Variants in NEDD9 observed in about 807,000 individuals in gnomAD.
NEDD9 encodes neural precursor cell expressed, developmentally down-regulated 9.
In NEDD9, 26 loss-of-function variants were observed where a neutral mutation model predicts 76.6. The ratio of observed to expected loss-of-function variants is 0.34; its 90% CI spans 0.25 to 0.47. The LOEUF (loss-of-function observed/expected upper bound fraction) is 0.47. Among genes scored for constraint, NEDD9 ranks in the 20% least tolerant of loss-of-function variants. NEDD9 has a pLI of 1.00. For synonymous variants in NEDD9, 392 were observed against 414.2 expected (o/e 0.95, Z 0.65); for missense variants, 937 against 1,058.5 (o/e 0.89, Z 1.59).
intron 2 of NEDD9, among the ~76,000 whole-genome samples, chr6:11,202,022 G>A (rs1758469217): frequency 6.7e-6 from 1 of 149,058 alleles, no homozygotes; most frequent in Admixed American, 6.6e-5. Flanking sequence ...AGGTAACCCA[G>A]GATGTGCTCA....
At chr6:11,341,827 T>TA (rs1204719632) in intron 1 of NEDD9, among the ~76,000 whole-genome samples, 11 of 152,044 alleles carry the variant, frequency 7.2e-5, no homozygotes, top group African/African-American at 2.7e-4. Context: ...TAATCCATAG[T>TA]AAAAAATGAA....
chr6:11,286,219 G>A (rs1293880322), intron 3 of NEDD9, among the ~76,000 whole-genome samples: 1 of 152,124 alleles, frequency 6.6e-6, no homozygotes, highest in Non-Finnish European at 1.5e-5. Context: ...ACACACAGAT[G>A]ACAAATAAGC....
At chr6:11,233,091 CA>C (rs1336323759), upstream of NEDD9, among the ~76,000 whole-genome samples, 2 of 152,092 alleles carry the variant, frequency 1.3e-5, no homozygotes, top group Non-Finnish European at 2.9e-5. Flanking sequence ...ACTCCGGGAA[CA>C]AAAGGTTTTC....
At chr6:11,268,477 C>T (rs1293531070) in intron 3 of NEDD9, among the ~76,000 whole-genome samples, 1 of 151,938 alleles carries the variant, frequency 6.6e-6, no homozygotes, top group Non-Finnish European at 1.5e-5. Context: ...CCTGTAATCC[C>T]AGCACTTTGG....
chr6:11,309,922 T>C (rs1161958060), intron 2 of NEDD9, among the ~76,000 whole-genome samples: 1 of 152,168 alleles, frequency 6.6e-6, no homozygotes, highest in Non-Finnish European at 1.5e-5. Flanking sequence ...ATTACAGCAA[T>C]AAAATCCAAG....
At chr6:11,379,372 G>A (rs1763023844) in intron 1 of NEDD9, among the ~76,000 whole-genome samples, 2 of 152,140 alleles carry the variant, frequency 1.3e-5, no homozygotes, top group African/African-American at 4.8e-5. Flanking sequence ...CGGGTCACCT[G>A]AGGTCAGGAG....
intron 2 of NEDD9, among the ~76,000 whole-genome samples, chr6:11,318,874 T>C (rs1048521888): frequency 6.6e-6 from 1 of 152,200 alleles, no homozygotes; most frequent in Non-Finnish European, 1.5e-5. Flanking sequence ...ATAACCCAGT[T>C]TTTAGGAAAC....
At chr6:11,338,870 A>C (rs1762217267) in intron 1 of NEDD9, among the ~76,000 whole-genome samples, 1 of 151,350 alleles carries the variant, frequency 6.6e-6, no homozygotes, top group South Asian at 2.1e-4. Context: ...TGCAGTGAGC[A>C]GAGATTGTGC....
At chr6:11,375,145 C>T (rs1177975322) in intron 1 of NEDD9, among the ~76,000 whole-genome samples, 1 of 152,176 alleles carries the variant, frequency 6.6e-6, no homozygotes, top group Non-Finnish European at 1.5e-5. Context: ...TTAGCACTGC[C>T]AACTGATAGA....
At chr6:11,326,425 G>A (rs1474802481) in intron 2 of NEDD9, among the ~76,000 whole-genome samples, 1 of 152,142 alleles carries the variant, frequency 6.6e-6, no homozygotes, top group Non-Finnish European at 1.5e-5. Context: ...GGTATGTTTG[G>A]CCCCATGTGG....
intron 2 of NEDD9, among the ~76,000 whole-genome samples, chr6:11,332,925 C>A (rs1458431818): frequency 6.6e-6 from 1 of 152,078 alleles, no homozygotes; most frequent in African/African-American, 2.4e-5. Context: ...GTTAATAGTC[C>A]CCCTTATGTC....
At chr6:11,369,660 A>T (rs1245020002) in intron 1 of NEDD9, among the ~76,000 whole-genome samples, 2 of 152,238 alleles carry the variant, frequency 1.3e-5, no homozygotes, top group African/African-American at 4.8e-5. Flanking sequence ...ATTTAAAAAT[A>T]TTTGGGAGTC....
intron 1 of NEDD9, among the ~76,000 whole-genome samples, chr6:11,359,949 C>T (rs187899155): frequency 1.3e-3 from 197 of 152,294 alleles, no homozygotes; most frequent in Non-Finnish European, 1.8e-3. Context: ...AAGGCATTAT[C>T]AAATAATCTT....
intron 1 of NEDD9, among the ~76,000 whole-genome samples, chr6:11,344,498 T>C (rs1317811460): frequency 3.3e-5 from 5 of 152,242 alleles, no homozygotes; most frequent in African/African-American, 9.6e-5. Flanking sequence ...GGGGCATGTT[T>C]ATTTCAGGTA....
At chr6:11,270,678 C>T (rs1760285452) in intron 3 of NEDD9, among the ~76,000 whole-genome samples, 2 of 152,240 alleles carry the variant, frequency 1.3e-5, no homozygotes, top group Admixed American at 6.5e-5. Context: ...TGCTCTAATG[C>T]TCTCATCTGG....
chr6:11,186,089 A>G (rs1021491051), intron 6 of NEDD9, among the ~76,000 whole-genome samples: 2 of 152,286 alleles, frequency 1.3e-5, no homozygotes, highest in East Asian at 1.9e-4. Flanking sequence ...CTCCTTGTCA[A>G]GTAAGTCACT....
At chr6:11,344,674 G>A (rs143570473) in intron 1 of NEDD9, among the ~76,000 whole-genome samples, 1 of 152,204 alleles carries the variant, frequency 6.6e-6, no homozygotes, top group Admixed American at 6.5e-5. Context: ...TCTGCTTGGT[G>A]CTGTGTCCAG....
chr6:11,193,250 G>T (rs1039450640), intron 3 of NEDD9, among the ~76,000 whole-genome samples: 18 of 151,698 alleles, frequency 1.2e-4, no homozygotes, highest in Non-Finnish European at 2.1e-4. Context: ...GGTGGAGGTT[G>T]CAGTGAGCTG....
At chr6:11,364,302 C>G (rs1762725313) in intron 1 of NEDD9, among the ~76,000 whole-genome samples, 1 of 152,118 alleles carries the variant, frequency 6.6e-6, no homozygotes, top group African/African-American at 2.4e-5. Context: ...CTCTTGGTAG[C>G]TCATGTCTGG....
Sources: gnomAD v4.1 joint callset for allele counts (sites outside exome capture counted in the v4.1 genomes callset) on GRCh38, gnomAD v4.1.1 for gene constraint, MANE v1.5 for transcripts, NCBI Gene and HGNC (gene_info 2026-07-23, HGNC 2026-07-21) for gene names.